CEP126: variants seen among roughly 807,000 people sequenced by gnomAD.
CEP126 encodes the protein centrosomal protein 126.
A neutral mutation model predicts 107.8 loss-of-function variants in CEP126; 74 were observed. The ratio of observed to expected loss-of-function variants is 0.69; its 90% CI spans 0.57 to 0.83. The LOEUF (loss-of-function observed/expected upper bound fraction) is 0.83, where lower values mean the gene tolerates loss of function less well. CEP126 is among the 40% of genes least tolerant of loss of function. The probability of loss-of-function intolerance (pLI) is 0.00; values close to 1 mark genes in which losing one functional copy is unlikely to be tolerated. For missense variants in CEP126, 1,237 were observed against 1,281.9 expected, an observed-to-expected ratio of 0.96 and a Z score of 0.53; for synonymous variants, 449 against 446.0, an observed-to-expected ratio of 1.01 and a Z score of -0.08.
intron 2 of CEP126, among the ~76,000 whole-genome samples, chr11:101,932,021 G>A (rs1055119471): frequency 8.5e-5 from 13 of 152,228 alleles, no homozygotes; most frequent in Admixed American, 1.3e-4. Flanking sequence ...TGCTAAGGCA[G>A]ACTGTGTTTC....
chr11:101,979,037 CAGG>C (rs1472682051), intron 7 of CEP126, among the ~76,000 whole-genome samples: 1 of 151,984 alleles, frequency 6.6e-6, no homozygotes, highest in East Asian at 1.9e-4. Context: ...GAGGCTGAGG[CAGG>C]AGAATTGCTT....
At chr11:101,983,095 T>G (rs1438488212) in intron 8 of CEP126, among the ~76,000 whole-genome samples, 1 of 152,244 alleles carries the variant, frequency 6.6e-6, no homozygotes, top group Non-Finnish European at 1.5e-5. Context: ...CATGCATTAC[T>G]CACTGTATTT....
intron 4 of CEP126, among the ~76,000 whole-genome samples, chr11:101,950,355 G>A (rs987564864): frequency 6.6e-6 from 1 of 152,160 alleles, no homozygotes; most frequent in African/African-American, 2.4e-5. Context: ...AAGATCTTAT[G>A]ATGTTTAAAT....
intron 2 of CEP126, among the ~76,000 whole-genome samples, chr11:101,927,755 A>G (rs1389852152): frequency 1.3e-5 from 2 of 152,156 alleles, no homozygotes; most frequent in African/African-American, 4.8e-5. Context: ...ATTGCTGAAT[A>G]TTTATTATTA....
intron 8 of CEP126, among the ~76,000 whole-genome samples, chr11:101,984,484 C>T (rs1446431588): frequency 6.6e-6 from 1 of 152,078 alleles, no homozygotes; most frequent in Non-Finnish European, 1.5e-5. Flanking sequence ...AATAAGACTC[C>T]AGGTGTTTTC....
chr11:101,962,397 T>G lies in CEP126; in HGVS notation c.1362T>G (p.Thr454=), dbSNP rs1342350441. The part of the protein sequence containing the change: ...NQENGTTSIP[T]SCVPVATPLV... Reference sequence around the variant, plus strand: ...AAAATGGAACTACTTCAATTCCTACTTCATGTGTACCAGTGGCAACGCCTT... The same window carrying G: ...AAAATGGAACTACTTCAATTCCTACGTCATGTGTACCAGTGGCAACGCCTT... The change falls in exon 6 of 11, where the codon ACT becomes ACG. Residue 454 remains threonine, a synonymous_variant. Coordinates refer to ENST00000263468, the MANE Select transcript of CEP126 (RefSeq NM_020802.4). 6.2e-7 allele frequency: 1 copy of G among 1,613,846 alleles called. No homozygotes were observed. Among genetic ancestry groups the G allele is most frequent in the Non-Finnish European group, 8.5e-7 (1 of 1,179,924 alleles).
intron 1 of CEP126, among the ~76,000 whole-genome samples, chr11:101,918,647 A>G (rs184761796): frequency 1.3e-5 from 2 of 152,326 alleles, no homozygotes; most frequent in East Asian, 1.9e-4. Flanking sequence ...ATAAAAATGC[A>G]TATGCCTTTT....
intron 6 of CEP126, among the ~76,000 whole-genome samples, chr11:101,968,865 G>C (rs1324049917): frequency 6.6e-6 from 1 of 152,052 alleles, no homozygotes; most frequent in Non-Finnish European, 1.5e-5. Flanking sequence ...CTAGAAATAG[G>C]ATATGATTCC....
chr11:101,972,901 C>G (rs375498213), intron 6 of CEP126, among the ~76,000 whole-genome samples: 87 of 152,274 alleles, frequency 5.7e-4, no homozygotes, highest in African/African-American at 1.9e-3. Flanking sequence ...ACTTATGAAA[C>G]TTCTATAAAT....
rs1305140668 is a variant in CEP126 at position 101,915,387 on chromosome 11, G to C, written c.103G>C (p.Gly35Arg). The stretch of plus-strand genomic sequence containing the variant: ...CCCCCTCGGCCCTCGGGAGAGCGGC[G>C]GGCATCACCGACCTGGCTCTTACCT... Reference protein sequence around the residue: ...RAPLGPRESGGHHRPGSYLDM... With the variant: ...RAPLGPRESGRHHRPGSYLDM... The change falls in exon 1 of 11, where the codon GGG becomes CGG. Residue 35 changes from glycine to arginine, a missense_variant. Gly to Arg is a moderately radical substitution (Grantham distance 125, BLOSUM62 -2). Transcript: ENST00000263468. 7.4e-6 allele frequency: 12 copies of C among 1,613,494 alleles called. No individual in the cohort carries two copies. In the Admixed American group the frequency reaches 1.8e-4, roughly 25 times the overall value.
At chr11:101,996,870 A>T (rs1359688779) in intron 10 of CEP126, among the ~76,000 whole-genome samples, 9 of 152,252 alleles carry the variant, frequency 5.9e-5, no homozygotes, top group Admixed American at 4.6e-4. Flanking sequence ...GTTCCGTCGG[A>T]CATTGTTTTC....
intron 9 of CEP126, among the ~76,000 whole-genome samples, chr11:101,989,507 TTG>T (rs778938282): frequency 2.1e-4 from 32 of 152,286 alleles, no homozygotes; most frequent in South Asian, 2.1e-3. Flanking sequence ...CGTATATATT[TTG>T]TGTGTGTGGA....
chr11:101,973,204 A>G (rs148708736), intron 6 of CEP126, among the ~76,000 whole-genome samples: 7 of 152,326 alleles, frequency 4.6e-5, no homozygotes, highest in African/African-American at 1.7e-4. Context: ...TGTTTTCCAG[A>G]GTAATATATG....
chr11:101,991,174 C>G (rs1219302804), intron 9 of CEP126, among the ~76,000 whole-genome samples: 2 of 151,914 alleles, frequency 1.3e-5, no homozygotes, highest in African/African-American at 4.8e-5. Context: ...GAGACCCTGT[C>G]TCAAAATAAA....
At chr11:101,957,440 A>T (rs1055424648) in intron 4 of CEP126, among the ~76,000 whole-genome samples, 1 of 152,176 alleles carries the variant, frequency 6.6e-6, no homozygotes, top group African/African-American at 2.4e-5. Flanking sequence ...GAAATCTAAC[A>T]TGCTATAGAT....
In CEP126 at chr11:101,999,019, G is replaced by GA. The variant is rs1354352867; in HGVS notation, c.*1382dup. On this transcript the variant is annotated 3_prime_UTR_variant, in exon 11 of 11. Coordinates refer to ENST00000263468, the MANE Select transcript of CEP126 (RefSeq NM_020802.4). ...TCACTTTTTAAATGAAGAAATTAGT[G>GA]AAAAAATTGACCTAATGAAGGAAAC... is the stretch of plus-strand genomic sequence containing the variant. The GA allele has an allele frequency of 2.0e-5, 3 of 152,016 alleles. No individual in the cohort carries two copies. The highest frequency in any genetic ancestry group is 2.1e-4 in the South Asian group (1 of 4,818). 9.4% of individuals were successfully genotyped at this position (152,016 alleles called of 1,614,324 possible).
chr11:101,975,478 C>A, intron 6 of CEP126, among the ~76,000 whole-genome samples: 1 of 152,160 alleles, frequency 6.6e-6, no homozygotes, highest in Non-Finnish European at 1.5e-5. Flanking sequence ...TTTTAGAGCC[C>A]AACTAATTGG....
At chr11:101,937,804 T>C (rs1263591527) in intron 2 of CEP126, among the ~76,000 whole-genome samples, 3 of 151,900 alleles carry the variant, frequency 2.0e-5, no homozygotes, top group Non-Finnish European at 4.4e-5. Context: ...TGTGTAGAGG[T>C]TTTCATATTT....
intron 4 of CEP126, among the ~76,000 whole-genome samples, chr11:101,954,570 A>G (rs561902963): frequency 6.6e-6 from 1 of 152,248 alleles, no homozygotes; most frequent in Admixed American, 6.5e-5. Context: ...GTTAGTTTTC[A>G]TGTTATTTTA....
Sources: gnomAD v4.1 joint callset for allele counts (sites outside exome capture counted in the v4.1 genomes callset) on GRCh38, gnomAD v4.1.1 for gene constraint, MANE v1.5 for transcripts, NCBI Gene and HGNC (gene_info 2026-07-23, HGNC 2026-07-21) for gene names.